Variants in TRPC5 observed in about 807,000 individuals in gnomAD.
TRPC5 encodes short transient receptor potential channel 5.
A neutral mutation model predicts 56.5 loss-of-function variants in TRPC5; 9 were observed. That is an observed-to-expected ratio of 0.16 (90% CI 0.10 to 0.28). The LOEUF (loss-of-function observed/expected upper bound fraction) is 0.28, where lower values mean the gene tolerates loss of function less well. TRPC5 is among the 10% of genes least tolerant of loss of function. The pLI is 1.00. For missense variants in TRPC5, 469 were observed against 748.9 expected, an observed-to-expected ratio of 0.63 and a Z score of 4.36; for synonymous variants, 282 against 278.5, an observed-to-expected ratio of 1.01 and a Z score of -0.13.
chrX:111,966,258 A>G (rs1203354986), intron 1 of TRPC5, among the ~76,000 whole-genome samples: 2 of 111,642 alleles, frequency 1.8e-5, no homozygotes, highest in Non-Finnish European at 3.8e-5. Context: ...CAACACATAC[A>G]CCCTCCCAAG....
chrX:112,050,401 C>A (rs1930185293), intron 1 of TRPC5, among the ~76,000 whole-genome samples: 1 of 112,289 alleles, frequency 8.9e-6, no homozygotes, highest in African/African-American at 3.2e-5. Flanking sequence ...GGTTCCTGCT[C>A]TCATTTATAG....
intron 7 of TRPC5, among the ~76,000 whole-genome samples, chrX:111,802,597 T>A (rs1001993117): frequency 3.6e-5 from 4 of 111,194 alleles, no homozygotes; most frequent in Admixed American, 2.9e-4. Context: ...GAAGCTTAGA[T>A]ACACAGTGTT....
chrX:111,894,864 C>T (rs1464378355), intron 3 of TRPC5, among the ~76,000 whole-genome samples: 1 of 111,764 alleles, frequency 8.9e-6, no homozygotes, highest in East Asian at 2.8e-4. Context: ...AAGGCTTCCT[C>T]ATATCCCTTC....
intron 1 of TRPC5, among the ~76,000 whole-genome samples, chrX:111,975,980 C>T (rs1241965111): frequency 8.9e-6 from 1 of 111,993 alleles, no homozygotes; most frequent in African/African-American, 3.2e-5. Context: ...GAATTTATCC[C>T]TAAGAAAGGA....
intron 1 of TRPC5, among the ~76,000 whole-genome samples, chrX:112,054,547 G>T (rs1482797090): frequency 1.8e-5 from 2 of 110,783 alleles, no homozygotes; most frequent in Non-Finnish European, 3.8e-5. Context: ...TCTCAAAACT[G>T]CCCTAAAAAA....
intron 3 of TRPC5, among the ~76,000 whole-genome samples, chrX:111,859,545 C>G (rs1251142469): frequency 8.9e-6 from 1 of 111,967 alleles, no homozygotes; most frequent in African/African-American, 3.2e-5. Context: ...TAAAGCCAAG[C>G]CCAGCCATGT....
rs1229075903 is a variant in TRPC5 at position 111,776,183 on chromosome X, G to C, written c.*130C>G. The C allele has an allele frequency of 1.7e-6, 1 of 593,424 alleles. No individual in the cohort carries two copies. 48.9% of individuals were successfully genotyped at this position (593,424 alleles called of 1,213,427 possible). On this transcript the variant is annotated 3_prime_UTR_variant, in exon 11 of 11. Transcript: ENST00000262839. ...ATGGAGAATGTGGCTATAAAAGATG[G>C]TGCAAATAAGAGTTTCACTCTCCTT...
intron 7 of TRPC5, among the ~76,000 whole-genome samples, chrX:111,784,223 G>T (rs921426097): frequency 2.7e-5 from 3 of 111,917 alleles, no homozygotes; most frequent in Non-Finnish European, 5.6e-5. Flanking sequence ...GTAAATCTTT[G>T]TGACCTTGGA....
chrX:112,005,554 G>A (rs1928818209), intron 1 of TRPC5, among the ~76,000 whole-genome samples: 1 of 110,114 alleles, frequency 9.1e-6, no homozygotes, highest in Non-Finnish European at 1.9e-5. Context: ...CCCAACATTG[G>A]TATGTTTCAG....
intron 1 of TRPC5, among the ~76,000 whole-genome samples, chrX:112,014,256 T>C (rs1418383308): frequency 8.9e-6 from 1 of 112,490 alleles, no homozygotes; most frequent in Non-Finnish European, 1.9e-5. Flanking sequence ...AAGTTTTCAG[T>C]GAGAATGGTT....
chrX:111,880,520 C>T (rs988008588), intron 3 of TRPC5, among the ~76,000 whole-genome samples: 1 of 112,271 alleles, frequency 8.9e-6, no homozygotes, highest in Non-Finnish European at 1.9e-5. Flanking sequence ...TGAATAGTAC[C>T]TACAAACTTC....
At position 111,770,256 on chromosome X, in the gene TRPC5, C is replaced by T. The variant is rs183884028; in HGVS notation, c.*6057G>A. On this transcript the variant is annotated 3_prime_UTR_variant, in exon 11 of 11. Transcript: ENST00000262839. The stretch of plus-strand genomic sequence containing the variant: ...TTAGATAAAATTTGAAGGAAGTGAT[C>T]TTTCCAATTGGCTAAAGTGTACATA... Among the ~76,000 whole-genome samples, 1 of 111,500 alleles carries T rather than the reference C, an allele frequency of 9.0e-6. No individual in the cohort carries two copies. The highest frequency in any genetic ancestry group is 2.8e-4 in the East Asian group (1 of 3,517).
In TRPC5 at chrX:111,912,618, G is replaced by A; in HGVS notation, c.573C>T (p.Arg191=). The A allele has an allele frequency of 8.3e-7, 1 of 1,211,455 alleles. No homozygotes were observed. The highest frequency in any genetic ancestry group is 1.8e-5 in the South Asian group (1 of 56,947). The change falls in exon 3 of 11, where the codon CGC becomes CGT. Residue 191 remains arginine, a synonymous_variant. Transcript: ENST00000262839. ...CVSSSEVDSL[R]HSRSRLNIYK... ...AGATGTTCAGTCGGGAGCGAGAGTGGCGCAGGCTGTCTACCTCTGAACTAG... is the reference window on the plus strand; with the variant it reads ...AGATGTTCAGTCGGGAGCGAGAGTGACGCAGGCTGTCTACCTCTGAACTAG...
intron 7 of TRPC5, among the ~76,000 whole-genome samples, chrX:111,803,344 G>T (rs113352037): frequency 1.1e-4 from 12 of 112,581 alleles, no homozygotes; most frequent in African/African-American, 3.9e-4. Flanking sequence ...ATGGTAGCAT[G>T]ATTCATAATC....
rs975374539 is a variant in TRPC5 at position 112,077,512 on chromosome X, C to T, written c.-22+4367G>A. Among the ~76,000 whole-genome samples, 5 of 111,373 alleles carry T rather than the reference C, an allele frequency of 4.5e-5. No individual in the cohort carries two copies. In the East Asian group the frequency reaches 1.4e-3, roughly 31 times the overall value. On this transcript the variant is annotated intron_variant, in intron 1 of 10. Transcript: ENST00000262839. ...TCTTCATAAAATGCAGATTCTTATT[C>T]AGTCGGTCTGGGGAAGGATTTGAGA...
At chrX:112,006,724 G>A (rs1291099432) in intron 1 of TRPC5, among the ~76,000 whole-genome samples, 1 of 111,918 alleles carries the variant, frequency 8.9e-6, no homozygotes, top group Non-Finnish European at 1.9e-5. Context: ...AGGCTGCGAG[G>A]TTTGGGTTTG....
At chrX:111,934,090 T>C (rs1244538980) in intron 2 of TRPC5, among the ~76,000 whole-genome samples, 2 of 110,809 alleles carry the variant, frequency 1.8e-5, no homozygotes, top group Non-Finnish European at 3.8e-5. Flanking sequence ...CTCTTCACTC[T>C]GTTATTTCCT....
In TRPC5 at chrX:111,889,171, G is replaced by A. The variant is rs894662957; in HGVS notation, c.900+23120C>T. 7.1e-5 allele frequency among the ~76,000 whole-genome samples: 8 copies of A among 111,923 alleles called. 1 individual carries two copies. Among genetic ancestry groups the A allele is most frequent in the Middle Eastern group, 9.3e-3 (2 of 215 alleles). On this transcript the variant is annotated intron_variant, in intron 3 of 10. Coordinates refer to ENST00000262839, the MANE Select transcript of TRPC5 (RefSeq NM_012471.3). The stretch of plus-strand genomic sequence containing the variant: ...CACCAAGAGTGTGACTATAGATGAA[G>A]AAGAAGAGGACTTGGGGAGTGATTG...
chrX:111,808,399 G>A (rs1392454445), intron 7 of TRPC5, among the ~76,000 whole-genome samples: 1 of 110,090 alleles, frequency 9.1e-6, no homozygotes, highest in African/African-American at 3.3e-5. Flanking sequence ...TTCATAAGCT[G>A]AGGAGTCTTT....
Sources: allele counts gnomAD v4.1 joint callset (sites outside exome capture counted in the v4.1 genomes callset), GRCh38; gene constraint gnomAD v4.1.1; transcripts MANE v1.5; gene names NCBI Gene and HGNC (gene_info 2026-07-23, HGNC 2026-07-21).